Variants in EPHA3 observed in about 807,000 individuals in gnomAD.
EPHA3 encodes ephrin type-A receptor 3.
A neutral mutation model predicts 107.1 loss-of-function variants in EPHA3; 42 were observed. That is an observed-to-expected ratio of 0.39 (90% CI 0.31 to 0.51). EPHA3 has a LOEUF of 0.51. Among genes scored for constraint, EPHA3 ranks in the 20% least tolerant of loss-of-function variants. The pLI, the probability that EPHA3 is intolerant of heterozygous loss-of-function variation, is 0.78. For missense variants in EPHA3, 1,183 were observed against 1,211.2 expected, an observed-to-expected ratio of 0.98 and a Z score of 0.35; for synonymous variants, 461 against 424.8, an observed-to-expected ratio of 1.09 and a Z score of -1.05.
At chr3:89,276,265 A>T (rs1705803043) in intron 3 of EPHA3, among the ~76,000 whole-genome samples, 1 of 152,110 alleles carries the variant, frequency 6.6e-6, no homozygotes, top group African/African-American at 2.4e-5. Context: ...AAAGGCTCAT[A>T]ACACTTTCTC....
intron 1 of EPHA3, among the ~76,000 whole-genome samples, chr3:89,111,057 C>T (rs1465655695): frequency 6.6e-6 from 1 of 151,772 alleles, no homozygotes; most frequent in Non-Finnish European, 1.5e-5. Context: ...ATTAAATATT[C>T]ATATTTATAT....
intron 3 of EPHA3, among the ~76,000 whole-genome samples, chr3:89,291,454 G>C (rs1706204319): frequency 1.3e-5 from 2 of 152,050 alleles, no homozygotes; most frequent in Admixed American, 1.3e-4. Context: ...CAAAGAAAAA[G>C]ATAGAGACAG....
At chr3:89,336,078 T>C (rs1344701383) in intron 3 of EPHA3, among the ~76,000 whole-genome samples, 1 of 152,218 alleles carries the variant, frequency 6.6e-6, no homozygotes, top group Non-Finnish European at 1.5e-5. Flanking sequence ...TAATCTCTTT[T>C]TTCTTTGGTA....
At chr3:89,374,000 T>C (rs1256920921) in intron 5 of EPHA3, among the ~76,000 whole-genome samples, 1 of 151,794 alleles carries the variant, frequency 6.6e-6, no homozygotes, top group Non-Finnish European at 1.5e-5. Flanking sequence ...TCAGCTTTTA[T>C]TAAGACAACA....
intron 5 of EPHA3, among the ~76,000 whole-genome samples, chr3:89,384,423 T>G (rs544448368): frequency 1.3e-5 from 2 of 152,288 alleles, no homozygotes; most frequent in Non-Finnish European, 2.9e-5. Context: ...TTAACTGAAT[T>G]TAGGAATTTT....
At chr3:89,211,799 TCTTCTTCTTCTTCTTCTTCTC>T (rs1559603057) in intron 3 of EPHA3, among the ~76,000 whole-genome samples, 1,435 of 99,266 alleles carry the variant, frequency 0.014, 41 homozygotes, top group Middle Eastern at 0.036. Flanking sequence ...TTCTTCTTCT[TCTTCTTCTTCTTCTTCTTCTC>T]CTTCTCCTCC....
intron 2 of EPHA3, among the ~76,000 whole-genome samples, chr3:89,193,699 T>C (rs1488311030): frequency 6.6e-6 from 1 of 152,032 alleles, no homozygotes; most frequent in Non-Finnish European, 1.5e-5. Flanking sequence ...CCTATGAATA[T>C]ATACAATTAT....
intron 3 of EPHA3, among the ~76,000 whole-genome samples, chr3:89,297,775 C>G (rs1478887808): frequency 6.6e-6 from 1 of 152,114 alleles, no homozygotes; most frequent in Non-Finnish European, 1.5e-5. Flanking sequence ...TGGCTCACGC[C>G]TGTAATCCCA....
intron 2 of EPHA3, among the ~76,000 whole-genome samples, chr3:89,171,811 C>T (rs1216626060): frequency 2.0e-5 from 3 of 152,138 alleles, no homozygotes; most frequent in African/African-American, 7.2e-5. Flanking sequence ...TCCTTTGAAT[C>T]AGGAACCACC....
intron 3 of EPHA3, among the ~76,000 whole-genome samples, chr3:89,321,347 G>A (rs1559646334): frequency 2.0e-5 from 3 of 152,014 alleles, no homozygotes; most frequent in Admixed American, 1.3e-4. Flanking sequence ...CTGCCTCCTA[G>A]TCTGAAGCTA....
intron 3 of EPHA3, among the ~76,000 whole-genome samples, chr3:89,335,326 C>G (rs1192579669): frequency 6.6e-6 from 1 of 152,122 alleles, no homozygotes. Context: ...TCTGGGACCT[C>G]TTTTATAAGG....
intron 2 of EPHA3, among the ~76,000 whole-genome samples, chr3:89,176,520 A>AT (rs1553658572): frequency 8.6e-5 from 13 of 150,750 alleles, no homozygotes; most frequent in African/African-American, 2.4e-4. Flanking sequence ...AAAAAAAAAA[A>AT]ATATATGTTT....
chr3:89,255,743 A>T (rs1025263072), intron 3 of EPHA3, among the ~76,000 whole-genome samples: 4 of 152,040 alleles, frequency 2.6e-5, no homozygotes, highest in African/African-American at 7.3e-5. Context: ...CCTAGTAAAA[A>T]TACAAAAATT....
At chr3:89,476,246 A>G (rs1242799920) in intron 16 of EPHA3, among the ~76,000 whole-genome samples, 1 of 147,974 alleles carries the variant, frequency 6.8e-6, no homozygotes, top group East Asian at 1.9e-4. Context: ...ATGTTTGCTT[A>G]TATTGGGTTC....
intron 8 of EPHA3, 48 bp downstream of exon 8, chr3:89,407,419 T>C (rs1316450477): frequency 6.9e-7 from 1 of 1,442,386 alleles, no homozygotes; most frequent in South Asian, 1.2e-5. Flanking sequence ...TTGCTTTGTT[T>C]GCTGCCACTG....
chr3:89,143,573 C>T (rs769289724), intron 2 of EPHA3, among the ~76,000 whole-genome samples: 21 of 151,396 alleles, frequency 1.4e-4, no homozygotes, highest in African/African-American at 2.7e-4. Context: ...ATGTATAATG[C>T]GGGTTTTAAA....
At chr3:89,402,571 G>C (rs6772953) in intron 7 of EPHA3, among the ~76,000 whole-genome samples, 69,240 of 151,810 alleles carry the variant, frequency 0.46, 17,030 homozygotes, top group African/African-American at 0.63. Flanking sequence ...CCTAAATGCT[G>C]TAAGTATTTA....
At position 89,208,423 on chromosome 3, in the gene EPHA3, G is replaced by GAAGAAAGA. The variant is rs745313705; in HGVS notation, c.154-1384_154-1377dup. 6.1e-3 allele frequency among the ~76,000 whole-genome samples: 229 copies of GAAGAAAGA among 37,452 alleles called. 5 individuals carry two copies. Among genetic ancestry groups the GAAGAAAGA allele is most frequent in the East Asian group, 0.014 (27 of 1,872 alleles). 24.6% of individuals were successfully genotyped at this position (37,452 alleles called of 152,430 possible). On this transcript the variant is annotated intron_variant, in intron 2 of 16. Coordinates refer to ENST00000336596, the MANE Select transcript of EPHA3 (RefSeq NM_005233.6). ...AAAAGGAAGGAAGGAAGGAAGGAAG[G>GAAGAAAGA]AAGAAAGAAAGAAAGAAAGAAAGAA...
intron 2 of EPHA3, among the ~76,000 whole-genome samples, chr3:89,158,298 C>T (rs1042569730): frequency 1.3e-5 from 2 of 152,074 alleles, no homozygotes; most frequent in Non-Finnish European, 2.9e-5. Context: ...GTGGATTCTA[C>T]CACTTCATTG....
Sources: allele counts gnomAD v4.1 joint callset (sites outside exome capture counted in the v4.1 genomes callset), GRCh38; gene constraint gnomAD v4.1.1; transcripts MANE v1.5; gene names NCBI Gene and HGNC (gene_info 2026-07-23, HGNC 2026-07-21).